REPS2: variants seen among roughly 807,000 people sequenced by gnomAD.
REPS2 encodes ralBP1-associated Eps domain-containing protein 2.
In REPS2, 23 loss-of-function variants were observed where a neutral mutation model predicts 53.6. The ratio of observed to expected loss-of-function variants is 0.43; its 90% confidence interval spans 0.31 to 0.61. The LOEUF is 0.61. Ranked by LOEUF, REPS2 falls within the 20% of genes least tolerant of loss-of-function variation. The pLI is 0.11. For synonymous variants in REPS2, 238 were observed against 218.6 expected (o/e 1.09, Z -0.78); for missense variants, 446 against 534.9 (o/e 0.83, Z 1.64).
intron 1 of REPS2, among the ~76,000 whole-genome samples, chrX:16,994,101 A>G (rs2061195950): frequency 8.9e-6 from 1 of 112,039 alleles, no homozygotes; most frequent in Admixed American, 9.4e-5. Context: ...CTGCTCCTGG[A>G]ACTGGATGTT....
At chrX:17,050,922 G>A (rs1474833144) in intron 6 of REPS2, among the ~76,000 whole-genome samples, 1 of 111,120 alleles carries the variant, frequency 9.0e-6, no homozygotes, top group Non-Finnish European at 1.9e-5. Context: ...TCACCCTATT[G>A]TGCTATCAAG....
At chrX:16,968,939 G>T (rs1231532777) in intron 1 of REPS2, among the ~76,000 whole-genome samples, 7 of 110,211 alleles carry the variant, frequency 6.4e-5, no homozygotes, top group Non-Finnish European at 1.3e-4. Context: ...CGGGGCGGCT[G>T]CCGGGCGGAG....
intron 1 of REPS2, among the ~76,000 whole-genome samples, chrX:16,949,707 C>T (rs2060483808): frequency 8.9e-6 from 1 of 112,116 alleles, no homozygotes; most frequent in African/African-American, 3.2e-5. Context: ...CATGCCTGGC[C>T]TTAACATATT....
chrX:17,064,285 G>A (rs1038442421), intron 9 of REPS2, among the ~76,000 whole-genome samples: 1 of 111,976 alleles, frequency 8.9e-6, no homozygotes, highest in Non-Finnish European at 1.9e-5. Flanking sequence ...GTACGGGTCA[G>A]ATTGCAATAA....
At chrX:16,956,219 T>C (rs1218870132) in intron 1 of REPS2, among the ~76,000 whole-genome samples, 1 of 105,291 alleles carries the variant, frequency 9.5e-6, no homozygotes, top group Admixed American at 1.0e-4. Flanking sequence ...TTTTACTAAC[T>C]GCCCTTCCCC....
At chrX:16,999,124 C>T (rs1159650481) in intron 1 of REPS2, among the ~76,000 whole-genome samples, 1 of 112,080 alleles carries the variant, frequency 8.9e-6, no homozygotes. Flanking sequence ...ATGGATCAAC[C>T]ACAATTGATT....
chrX:17,116,238 G>T (rs1603062329), intron 14 of REPS2, among the ~76,000 whole-genome samples: 1 of 109,346 alleles, frequency 9.1e-6, no homozygotes, highest in Non-Finnish European at 1.9e-5. Flanking sequence ...TTGAGACAGG[G>T]TCTTGCTCTG....
Position 17,054,811 on chromosome X carries a change from G to A in REPS2, c.975G>A (p.Glu325=). The change falls in exon 8 of 18, where the codon GAG becomes GAA. Residue 325 remains glutamate, a synonymous_variant. Transcript: ENST00000357277. The stretch of plus-strand genomic sequence containing the variant: ...TCATGACATTTGTTTCATTTAGGGA[G>A]CTTAGTGATGCTGACTGTGATGGAG... ...LSIPELSYIW[E]LSDADCDGAL... is the part of the protein sequence containing the mutation. 4.1e-6 allele frequency: 5 copies of A among 1,210,385 alleles called. No individual in the cohort carries two copies. In the South Asian group the frequency reaches 8.8e-5, roughly 21 times the overall value.
intron 14 of REPS2, among the ~76,000 whole-genome samples, chrX:17,114,327 T>C (rs2063017652): frequency 8.9e-6 from 1 of 112,312 alleles, no homozygotes; most frequent in African/African-American, 3.2e-5. Flanking sequence ...TATCTTGTCT[T>C]ATAACTTGTT....
rs111648600 is a variant in REPS2 at position 16,986,848 on chromosome X, G to A, written c.274-19373G>A. On this transcript the variant is annotated intron_variant, in intron 1 of 17. Coordinates refer to ENST00000357277, the MANE Select transcript of REPS2 (RefSeq NM_004726.3). ...AAACTAGGGGGAGCGGGGGATGGTT[G>A]GTCCCCCTAGCAGTGAAAAGTAAGG... Among the ~76,000 whole-genome samples the A allele has an allele frequency of 5.4e-3, 596 of 109,834 alleles. 5 individuals carry two copies. The highest frequency in any genetic ancestry group is 0.019 in the African/African-American group (572 of 30,244).
At chrX:16,992,312 C>A (rs2061173845) in intron 1 of REPS2, among the ~76,000 whole-genome samples, 1 of 111,483 alleles carries the variant, frequency 9.0e-6, no homozygotes, top group Non-Finnish European at 1.9e-5. Context: ...AATCTGCTGG[C>A]ACCTTGATCT....
chrX:17,114,585 T>G (rs1433481933), intron 14 of REPS2, among the ~76,000 whole-genome samples: 2 of 112,315 alleles, frequency 1.8e-5, no homozygotes, highest in Non-Finnish European at 1.9e-5. Flanking sequence ...TCCTCTGATA[T>G]GACAACTAGA....
intron 5 of REPS2, 25 bp downstream of exon 5, chrX:17,029,648 C>T: frequency 9.2e-7 from 1 of 1,083,102 alleles, no homozygotes; most frequent in Non-Finnish European, 1.3e-6. Flanking sequence ...AGGGTTATGC[C>T]AATGGGACAG....
rs1028978423 is a variant in REPS2 at position 17,152,290 on chromosome X, T to C, written c.*4809T>C. 4 of 112,218 alleles carry C rather than the reference T, an allele frequency of 3.6e-5. No homozygotes were observed. Among genetic ancestry groups the C allele is most frequent in the African/African-American group, 1.3e-4 (4 of 30,905 alleles). 9.2% of individuals were successfully genotyped at this position (112,218 alleles called of 1,213,427 possible). A position where few individuals can be genotyped will look rare whatever the true frequency, so the allele number is the denominator to read the frequency against. On this transcript the variant is annotated 3_prime_UTR_variant, in exon 18 of 18. Coordinates refer to ENST00000357277, the MANE Select transcript of REPS2 (RefSeq NM_004726.3). ...AGTTGCTTTTAGGCTTGTATAGTTATTTTCTACACATGCCAACACACATGA... is the reference window on the plus strand; with the variant it reads ...AGTTGCTTTTAGGCTTGTATAGTTACTTTCTACACATGCCAACACACATGA...
At chrX:16,977,381 A>G (rs1392362049) in intron 1 of REPS2, among the ~76,000 whole-genome samples, 1 of 110,801 alleles carries the variant, frequency 9.0e-6, no homozygotes, top group Non-Finnish European at 1.9e-5. Flanking sequence ...AAGAATGCTT[A>G]GGCTACCTTA....
At chrX:17,082,917 T>C (rs1172209252) in intron 13 of REPS2, among the ~76,000 whole-genome samples, 1 of 110,940 alleles carries the variant, frequency 9.0e-6, no homozygotes. Flanking sequence ...TGCTTTTCAC[T>C]CTTTAGCTGC....
intron 1 of REPS2, among the ~76,000 whole-genome samples, chrX:16,986,013 T>C (rs1361835753): frequency 9.0e-6 from 1 of 111,699 alleles, no homozygotes; most frequent in Non-Finnish European, 1.9e-5. Flanking sequence ...AATCCTGAGG[T>C]TTTTTGGGAA....
At chrX:17,059,659 G>T (rs985805393) in intron 8 of REPS2, among the ~76,000 whole-genome samples, 8 of 109,549 alleles carry the variant, frequency 7.3e-5, no homozygotes, top group Non-Finnish European at 1.5e-4. Flanking sequence ...TAGAGACGGG[G>T]TTTCACCATG....
At chrX:17,047,897 G>A (rs924127317) in intron 6 of REPS2, among the ~76,000 whole-genome samples, 10 of 112,796 alleles carry the variant, frequency 8.9e-5, no homozygotes, top group African/African-American at 3.2e-4. Context: ...ACTCAGGCTC[G>A]TTTTCTTTGG....
Sources: allele counts gnomAD v4.1 joint callset (sites outside exome capture counted in the v4.1 genomes callset), GRCh38; gene constraint gnomAD v4.1.1; transcripts MANE v1.5; gene names NCBI Gene and HGNC (gene_info 2026-07-23, HGNC 2026-07-21).